FGF12: variants seen among roughly 807,000 people sequenced by gnomAD.
The protein encoded by FGF12 is fibroblast growth factor 12B.
Under a neutral mutation model 23.6 loss-of-function variants are expected in FGF12, and 14 were observed. That is an observed-to-expected ratio of 0.59 (90% CI 0.39 to 0.93). FGF12 has a LOEUF of 0.93. FGF12 is among the 40% of genes least tolerant of loss of function. FGF12 has a pLI of 0.00. For missense variants in FGF12, 175 were observed against 217.8 expected (o/e 0.80, Z 1.24); for synonymous variants, 62 against 77.3 (o/e 0.80, Z 1.04).
chr3:192,605,062 G>T (rs1264677301), intron 2 of FGF12, among the ~76,000 whole-genome samples: 1 of 152,114 alleles, frequency 6.6e-6, no homozygotes, highest in Non-Finnish European at 1.5e-5. Context: ...AAAGATTTCA[G>T]TGTAATACCT....
intron 2 of FGF12, among the ~76,000 whole-genome samples, chr3:192,704,634 C>G (rs1172691840): frequency 6.6e-6 from 1 of 152,150 alleles, no homozygotes; most frequent in African/African-American, 2.4e-5. Flanking sequence ...AAGTCACCAG[C>G]TGCATTAGCC....
At chr3:192,491,738 C>T (rs1036046150) in intron 2 of FGF12, among the ~76,000 whole-genome samples, 1 of 152,104 alleles carries the variant, frequency 6.6e-6, no homozygotes, top group Admixed American at 6.6e-5. Flanking sequence ...TATTTCCTAG[C>T]CTTTTTCATG....
At chr3:192,664,137 G>A (rs1040391984) in intron 2 of FGF12, among the ~76,000 whole-genome samples, 5 of 152,178 alleles carry the variant, frequency 3.3e-5, no homozygotes, top group African/African-American at 7.2e-5. Context: ...TGTGGTCCTC[G>A]TTGTAATATA....
At chr3:192,428,708 G>GA (rs538628267) in intron 2 of FGF12, among the ~76,000 whole-genome samples, 23 of 151,810 alleles carry the variant, frequency 1.5e-4, no homozygotes, top group African/African-American at 5.1e-4. Flanking sequence ...AAATATGAGA[G>GA]AAAAAAAACC....
chr3:192,393,613 G>T (rs1191543314), intron 2 of FGF12, among the ~76,000 whole-genome samples: 2 of 151,514 alleles, frequency 1.3e-5, no homozygotes, highest in African/African-American at 4.8e-5. Context: ...CACAGATAAA[G>T]AAAATGGGAA....
chr3:192,460,677 T>C (rs1055177923), intron 2 of FGF12, among the ~76,000 whole-genome samples: 27 of 130,134 alleles, frequency 2.1e-4, no homozygotes, highest in African/African-American at 7.4e-4. Flanking sequence ...CACACACACA[T>C]ATATTTATAT....
At chr3:192,466,797 G>C (rs1723024728) in intron 2 of FGF12, among the ~76,000 whole-genome samples, 1 of 152,298 alleles carries the variant, frequency 6.6e-6, no homozygotes, top group South Asian at 2.1e-4. Context: ...TGGAAGAGTT[G>C]AAATCAGACC....
intron 4 of FGF12, among the ~76,000 whole-genome samples, chr3:192,171,977 C>T (rs1324373079): frequency 1.3e-5 from 2 of 151,008 alleles, no homozygotes; most frequent in Admixed American, 6.6e-5. Context: ...AACTCCCGGG[C>T]CCAGAAGATC....
At chr3:192,308,109 A>G (rs1715744552) in intron 4 of FGF12, among the ~76,000 whole-genome samples, 1 of 152,208 alleles carries the variant, frequency 6.6e-6, no homozygotes, top group Admixed American at 6.5e-5. Flanking sequence ...TAATGAAAAA[A>G]ATCACTGTTG....
chr3:192,307,367 T>C (rs1430154641), intron 4 of FGF12, among the ~76,000 whole-genome samples: 4 of 152,186 alleles, frequency 2.6e-5, no homozygotes, highest in African/African-American at 7.2e-5. Flanking sequence ...CTTTAGGTAA[T>C]GAAGTTCTAA....
intron 4 of FGF12, among the ~76,000 whole-genome samples, chr3:192,215,499 T>C (rs1333708088): frequency 6.6e-6 from 1 of 152,202 alleles, no homozygotes; most frequent in Non-Finnish European, 1.5e-5. Flanking sequence ...ATCTGTAGCA[T>C]TGGGCCCAAA....
intron 4 of FGF12, among the ~76,000 whole-genome samples, chr3:192,277,685 C>T (rs1017955634): frequency 3.3e-5 from 5 of 152,182 alleles, no homozygotes; most frequent in African/African-American, 9.7e-5. Context: ...ATTCAGAGCA[C>T]GGAAGTCCAC....
chr3:192,715,695 T>A (rs1718844890), intron 2 of FGF12, among the ~76,000 whole-genome samples: 1 of 152,182 alleles, frequency 6.6e-6, no homozygotes, highest in Admixed American at 6.5e-5. Context: ...TAAAAGTAAA[T>A]TTAATCTAAA....
At chr3:192,526,555 T>TACAC (rs375999433) in intron 2 of FGF12, among the ~76,000 whole-genome samples, 1 of 151,274 alleles carries the variant, frequency 6.6e-6, no homozygotes, top group Non-Finnish European at 1.5e-5. Flanking sequence ...CACACACGCA[T>TACAC]ACACACACAC....
chr3:192,419,490 A>G (rs1278188944), intron 2 of FGF12, among the ~76,000 whole-genome samples: 15 of 152,166 alleles, frequency 9.9e-5, no homozygotes, highest in Admixed American at 8.5e-4. Context: ...AATAGATTAC[A>G]TCGCAAAATG....
At chr3:192,617,141 T>C (rs1224675854) in intron 2 of FGF12, among the ~76,000 whole-genome samples, 3 of 152,060 alleles carry the variant, frequency 2.0e-5, no homozygotes, top group African/African-American at 7.2e-5. Flanking sequence ...TATTTGCATG[T>C]GTGTGATGTA....
At position 192,140,776 on chromosome 3, in the gene FGF12, G is replaced by A. The variant is rs112733172; in HGVS notation, c.*3233C>T. ...GCCAATCCATAATGGCTAAAAATGTGCTATTAAATTGTATGTAAATTTCAA... is the reference window on the plus strand; with the variant it reads ...GCCAATCCATAATGGCTAAAAATGTACTATTAAATTGTATGTAAATTTCAA... On this transcript the variant is annotated 3_prime_UTR_variant, in exon 6 of 6. Transcript: ENST00000445105. The A allele has an allele frequency of 6.6e-6, 1 of 151,954 alleles. No homozygotes were observed. The highest frequency in any genetic ancestry group is 2.4e-5 in the African/African-American group (1 of 41,484). 9.4% of individuals were successfully genotyped at this position (151,954 alleles called of 1,614,324 possible).
At chr3:192,716,121 C>T (rs1398546370) in intron 2 of FGF12, among the ~76,000 whole-genome samples, 1 of 151,708 alleles carries the variant, frequency 6.6e-6, no homozygotes, top group Admixed American at 6.5e-5. Flanking sequence ...AGACTAGCAG[C>T]ATCAACACCT....
intron 4 of FGF12, among the ~76,000 whole-genome samples, chr3:192,274,690 C>T (rs915063294): frequency 2.6e-5 from 4 of 152,156 alleles, no homozygotes; most frequent in African/African-American, 9.7e-5. Flanking sequence ...TATGTGAATA[C>T]TTTAAGGATA....
Sources: gnomAD v4.1 joint callset for allele counts (sites outside exome capture counted in the v4.1 genomes callset) on GRCh38, gnomAD v4.1.1 for gene constraint, MANE v1.5 for transcripts, NCBI Gene and HGNC (gene_info 2026-07-23, HGNC 2026-07-21) for gene names.